The following OSBPL9 variants were observed in gnomAD, a reference collection of about 807,000 sequenced individuals.
OSBPL9 encodes the protein oxysterol-binding protein-related protein 9.
A neutral mutation model predicts 106.6 loss-of-function variants in OSBPL9; 40 were observed. That is an observed-to-expected ratio of 0.38 (90% CI 0.29 to 0.49). The LOEUF is 0.49. OSBPL9 is among the 20% of genes least tolerant of loss of function. The pLI is 0.97. For missense variants in OSBPL9, 609 were observed against 887.2 expected (o/e 0.69, Z 3.98); for synonymous variants, 269 against 295.4 (o/e 0.91, Z 0.92).
At chr1:51,775,980 T>C (rs1468023237) in intron 14 of OSBPL9, among the ~76,000 whole-genome samples, 1 of 152,092 alleles carries the variant, frequency 6.6e-6, no homozygotes. Context: ...GTTAAGAAAT[T>C]TTTGCTTACT....
intron 4 of OSBPL9, among the ~76,000 whole-genome samples, chr1:51,718,051 T>C (rs1661390063): frequency 1.3e-5 from 2 of 152,196 alleles, no homozygotes; most frequent in South Asian, 4.1e-4. Context: ...ATCCTGTCAT[T>C]TGCAATCCTG....
At position 51,729,657 on chromosome 1, in the gene OSBPL9, C is replaced by A; in HGVS notation, c.318+15578C>A. The A allele has an allele frequency of 2.8e-6, 1 of 358,402 alleles. No individual in the cohort carries two copies. Among genetic ancestry groups the A allele is most frequent in the South Asian group, 1.4e-4 (1 of 7,358 alleles). The allele number at this position is 358,402 out of a possible 1,614,324, so 22.2% of individuals were successfully genotyped here. A position where few individuals can be genotyped will look rare whatever the true frequency, so the allele number is the denominator to read the frequency against. ...CGAGCTGCCAGCTCCCTCGGCCTCTCCACCCAAAACTGGCCCAACCGCCAA... is the reference window on the plus strand; with the variant it reads ...CGAGCTGCCAGCTCCCTCGGCCTCTACACCCAAAACTGGCCCAACCGCCAA... On this transcript the variant is annotated intron_variant, in intron 4 of 23. Transcript: ENST00000428468. The surrounding 1 kb of genome is among the most constrained non-coding windows in gnomAD (Gnocchi z 5.1).
At chr1:51,543,934 G>A in the OSBPL9 span, among the ~76,000 whole-genome samples, 1 of 152,204 alleles carries the variant, frequency 6.6e-6, no homozygotes. Context: ...ACGTCCATCA[G>A]CACACTTTAG....
chr1:51,567,923 C>A, the OSBPL9 span: 2 of 152,358 alleles, frequency 1.3e-5, no homozygotes, highest in East Asian at 3.9e-4. Flanking sequence ...CCAAGACAAA[C>A]ACAGCATGTG....
At chr1:51,549,799 C>T in the OSBPL9 span, among the ~76,000 whole-genome samples, 3 of 152,238 alleles carry the variant, frequency 2.0e-5, no homozygotes, top group African/African-American at 4.8e-5. Context: ...TGCCACTGCA[C>T]TCCAGCCTGG....
At chr1:51,629,729 A>G (rs563720566) in intron 1 of OSBPL9, among the ~76,000 whole-genome samples, 1 of 152,232 alleles carries the variant, frequency 6.6e-6, no homozygotes, top group Non-Finnish European at 1.5e-5. Flanking sequence ...TGGGTGGATC[A>G]CCTGAGATCA....
At chr1:51,548,328 G>T in the OSBPL9 span, among the ~76,000 whole-genome samples, 1 of 151,948 alleles carries the variant, frequency 6.6e-6, no homozygotes, top group African/African-American at 2.4e-5. Flanking sequence ...TGAACTCCTG[G>T]GCTCAAGTGA....
At chr1:51,585,031 A>G (rs1342932686) in intron 1 of OSBPL9, among the ~76,000 whole-genome samples, 1 of 152,112 alleles carries the variant, frequency 6.6e-6, no homozygotes, top group Non-Finnish European at 1.5e-5. Flanking sequence ...TGAGCTAGCC[A>G]TGTGCAGTGG....
rs139564372 is a variant in OSBPL9 at position 51,608,385 on chromosome 1, T to G, written c.-352-5920T>G. Among the ~76,000 whole-genome samples the G allele has an allele frequency of 4.7e-4, 71 of 152,270 alleles. No homozygotes were observed. The East Asian group carries it at 0.011, about 23-fold the overall frequency. ...TCAGCTCACTGCAAGCTCTGACTCC[T>G]GGGTTCAAGTGATTCTCTTGCCTCA... On this transcript the variant is annotated intron_variant, in intron 2 of 25. Transcript: ENST00000371714.
At chr1:51,521,486 C>G in the OSBPL9 span, among the ~76,000 whole-genome samples, 1 of 152,148 alleles carries the variant, frequency 6.6e-6, no homozygotes, top group Non-Finnish European at 1.5e-5. Context: ...TGACCGCAGG[C>G]AAACCATTTA....
intron 1 of OSBPL9, chr1:51,582,832 C>T (rs1442651254): frequency 6.6e-6 from 1 of 152,048 alleles, no homozygotes; most frequent in Non-Finnish European, 1.5e-5. Context: ...ACCTGTAATC[C>T]TAGCACTTTG....
intron 1 of OSBPL9, among the ~76,000 whole-genome samples, chr1:51,648,782 T>C (rs1557636865): frequency 6.6e-6 from 1 of 152,226 alleles, no homozygotes; most frequent in Non-Finnish European, 1.5e-5. Context: ...ATTTTTAATA[T>C]AGGAATAATT....
chr1:51,639,816 GT>G (rs758174157), intron 1 of OSBPL9, among the ~76,000 whole-genome samples: 859 of 67,042 alleles, frequency 0.013, 2 homozygotes, highest in Middle Eastern at 0.024. Flanking sequence ...ATTCCTAGTT[GT>G]TTTTTTTTTT....
intron 3 of OSBPL9, among the ~76,000 whole-genome samples, chr1:51,680,768 T>G (rs947080954): frequency 6.6e-6 from 1 of 152,172 alleles, no homozygotes; most frequent in Admixed American, 6.5e-5. Flanking sequence ...CTCCATTTTC[T>G]CCATTTGGTT....
At chr1:51,724,207 A>G (rs1239838209) in intron 4 of OSBPL9, among the ~76,000 whole-genome samples, 1 of 151,896 alleles carries the variant, frequency 6.6e-6, no homozygotes, top group African/African-American at 2.4e-5. Context: ...CAATCTCCCA[A>G]AATCCTGGGA....
intron 4 of OSBPL9, among the ~76,000 whole-genome samples, chr1:51,715,395 T>C (rs1203225008): frequency 1.3e-5 from 2 of 152,200 alleles, no homozygotes; most frequent in Non-Finnish European, 2.9e-5. Flanking sequence ...TTTAGCAAAT[T>C]TGTGATCCTG....
chr1:51,738,807 G>A (rs543329824), intron 4 of OSBPL9, among the ~76,000 whole-genome samples: 1 of 151,968 alleles, frequency 6.6e-6, no homozygotes, highest in East Asian at 1.9e-4. Flanking sequence ...TTCTTGATTC[G>A]TTTTGTTTTT....
At chr1:51,680,392 G>T (rs921089531) in intron 3 of OSBPL9, among the ~76,000 whole-genome samples, 7 of 151,996 alleles carry the variant, frequency 4.6e-5, no homozygotes, top group African/African-American at 1.7e-4. Flanking sequence ...GATAGCTCAC[G>T]CCTGTAATCC....
the OSBPL9 span, among the ~76,000 whole-genome samples, chr1:51,527,270 C>T: frequency 3.3e-5 from 5 of 151,982 alleles, no homozygotes; most frequent in African/African-American, 9.7e-5. Context: ...AAGCACTTTG[C>T]ATAGTATCTG....
Sources: gnomAD v4.1 joint callset for allele counts (sites outside exome capture counted in the v4.1 genomes callset) on GRCh38, gnomAD v4.1.1 for gene constraint, Gnocchi (gnomAD v3.1) non-coding constraint, MANE v1.5 for transcripts, NCBI Gene and HGNC (gene_info 2026-07-23, HGNC 2026-07-21) for gene names.